Variants in WDR25 observed in about 807,000 individuals in gnomAD.
WDR25 encodes the protein WD repeat-containing protein 25.
Under a neutral mutation model 47.7 loss-of-function variants are expected in WDR25, and 35 were observed. The observed-to-expected ratio is 0.73, with a 90% CI of 0.56 to 0.97. The LOEUF (loss-of-function observed/expected upper bound fraction) is 0.97. Ranked by LOEUF, WDR25 falls within the 50% of genes least tolerant of loss-of-function variation. The probability of loss-of-function intolerance (pLI) is 0.00; values close to 1 mark genes in which losing one functional copy is unlikely to be tolerated. For missense variants in WDR25, 634 were observed against 704.7 expected (o/e 0.90, Z 1.14); for synonymous variants, 248 against 278.9 (o/e 0.89, Z 1.10).
rs1349684332 is a variant in WDR25, at chr14:100,525,276, C to T, written c.1102-594C>T. 6.6e-6 allele frequency among the ~76,000 whole-genome samples: 1 copy of T among 152,204 alleles called. No individual in the cohort carries two copies. The highest frequency in any genetic ancestry group is 6.5e-5 in the Admixed American group (1 of 15,288). Reference sequence around the variant, plus strand: ...GATAAAATCCTCTAAGAAAGCAAAACAACTGCTCAATACTTAATAAAGTCA... The same window carrying T: ...GATAAAATCCTCTAAGAAAGCAAAATAACTGCTCAATACTTAATAAAGTCA... On this transcript the variant is annotated intron_variant, in intron 4 of 6. Transcript: ENST00000402312. This position sits in a 1 kb window ranked among gnomAD's most constrained non-coding sequence, Gnocchi z 4.6.
chr14:100,475,211 T>C (rs1258393780), intron 3 of WDR25, among the ~76,000 whole-genome samples: 1 of 152,048 alleles, frequency 6.6e-6, no homozygotes, highest in African/African-American at 2.4e-5. Context: ...TTTTGGAAAA[T>C]AGTGTGGAGG....
chr14:100,404,980 C>T lies in WDR25; in HGVS notation c.822+23234C>T, dbSNP rs954485960. 1.3e-5 allele frequency among the ~76,000 whole-genome samples: 2 copies of T among 152,152 alleles called. No individual in the cohort carries two copies. The highest frequency in any genetic ancestry group is 4.8e-5 in the African/African-American group (2 of 41,416). ...ATGCTAGTTCTGTCTTTCCTGTGCTCGCAGAATCTGTCTGTCCTCTTGCCC... is the reference window on the plus strand; with the variant it reads ...ATGCTAGTTCTGTCTTTCCTGTGCTTGCAGAATCTGTCTGTCCTCTTGCCC... On this transcript the variant is annotated intron_variant, in intron 2 of 6. Transcript: ENST00000402312. This position sits in a 1 kb window ranked among gnomAD's most constrained non-coding sequence, Gnocchi z 4.6.
chr14:100,453,443 C>T (rs141631720), intron 2 of WDR25, among the ~76,000 whole-genome samples: 12 of 152,248 alleles, frequency 7.9e-5, no homozygotes, highest in Non-Finnish European at 7.4e-5. Flanking sequence ...TGAGTTAATT[C>T]GGTTAACTCA....
chr14:100,412,416 A>C (rs1186266345), intron 2 of WDR25, among the ~76,000 whole-genome samples: 1 of 152,060 alleles, frequency 6.6e-6, no homozygotes, highest in African/African-American at 2.4e-5. Context: ...TGTCTTTAGG[A>C]GTGGTGAAAA....
chr14:100,523,506 C>T lies in WDR25; in HGVS notation c.1102-2364C>T, dbSNP rs143044207. On this transcript the variant is annotated intron_variant, in intron 4 of 6. Transcript: ENST00000402312. This position sits in a 1 kb window ranked among gnomAD's most constrained non-coding sequence, Gnocchi z 4.7. ...GGCTCAGAGGTGTGGTTGGGGCCCTCGTGTTGATGACTCAAAAACTAGACC... is the reference window on the plus strand; with the variant it reads ...GGCTCAGAGGTGTGGTTGGGGCCCTTGTGTTGATGACTCAAAAACTAGACC... Among the ~76,000 whole-genome samples the T allele has an allele frequency of 8.9e-4, 136 of 152,192 alleles. 2 individuals are homozygous for T. The highest frequency in any genetic ancestry group is 3.0e-3 in the African/African-American group (125 of 41,524).
chr14:100,471,899 A>G (rs1899849956), intron 3 of WDR25, among the ~76,000 whole-genome samples: 1 of 152,216 alleles, frequency 6.6e-6, no homozygotes, highest in African/African-American at 2.4e-5. Context: ...TCAGTCTGTA[A>G]TCTTCCTAAC....
rs536355413 is a variant in WDR25, at chr14:100,386,750, G to A, written c.822+5004G>A. On this transcript the variant is annotated intron_variant, in intron 2 of 6. Transcript: ENST00000402312. ...CTACTAAAAATACAAAAAATTAGCC[G>A]GGCGCGGTGGTGGGCGGCTGTAGTC... 5.6e-4 allele frequency among the ~76,000 whole-genome samples: 85 copies of A among 152,076 alleles called. 1 individual carries two copies. The highest frequency in any genetic ancestry group is 1.8e-3 in the African/African-American group (76 of 41,500).
At chr14:100,503,803 A>G (rs1216154837) in intron 4 of WDR25, 1 of 152,166 alleles carries the variant, frequency 6.6e-6, no homozygotes, top group African/African-American at 2.4e-5. Context: ...ATTCGCTTTA[A>G]TTATGTCTGT....
chr14:100,474,650 T>C (rs569763291), intron 3 of WDR25, among the ~76,000 whole-genome samples: 11 of 152,354 alleles, frequency 7.2e-5, no homozygotes, highest in African/African-American at 2.4e-4. Flanking sequence ...TGTTTGAAAG[T>C]TGAGAACTCT....
intron 1 of WDR25, among the ~76,000 whole-genome samples, chr14:100,378,263 G>A (rs1896779082): frequency 6.6e-6 from 1 of 151,964 alleles, no homozygotes; most frequent in South Asian, 2.1e-4. Flanking sequence ...TCTGCCTCCT[G>A]GGTTTAAATG....
rs1029191574 is a variant in WDR25, at chr14:100,468,937, T to G, written c.970+769T>G. ...CTTTCCTTTCCCTCTATGTTCTCTTTCTTTTCTTTCTTTCCTTTTTAAAAA... is the reference window on the plus strand; with the variant it reads ...CTTTCCTTTCCCTCTATGTTCTCTTGCTTTTCTTTCTTTCCTTTTTAAAAA... On this transcript the variant is annotated intron_variant, in intron 3 of 6. Coordinates refer to ENST00000402312, the MANE Select transcript of WDR25 (RefSeq NM_001161476.3). The surrounding 1 kb of genome is among the most constrained non-coding windows in gnomAD (Gnocchi z 4.5). Among the ~76,000 whole-genome samples the G allele has an allele frequency of 2.6e-5, 4 of 152,018 alleles. No homozygotes were observed. The highest frequency in any genetic ancestry group is 5.9e-5 in the Non-Finnish European group (4 of 67,992).
intron 2 of WDR25, among the ~76,000 whole-genome samples, chr14:100,466,770 C>G (rs1899643594): frequency 6.6e-6 from 1 of 152,210 alleles, no homozygotes; most frequent in Admixed American, 6.5e-5. Context: ...AGCCTCTGAG[C>G]CACCTGGGTG....
intron 2 of WDR25, among the ~76,000 whole-genome samples, chr14:100,409,775 G>C (rs1897653180): frequency 6.6e-6 from 1 of 152,192 alleles, no homozygotes; most frequent in Non-Finnish European, 1.5e-5. Context: ...TCCTGGGTGA[G>C]AGTTAAGTAC....
At chr14:100,476,907 G>A (rs1900037980) in intron 3 of WDR25, among the ~76,000 whole-genome samples, 1 of 152,200 alleles carries the variant, frequency 6.6e-6, no homozygotes, top group African/African-American at 2.4e-5. Flanking sequence ...GTTTCATGTG[G>A]CCTGGACGAA....
At chr14:100,382,621 C>T (rs1896931640) in intron 2 of WDR25, among the ~76,000 whole-genome samples, 1 of 152,190 alleles carries the variant, frequency 6.6e-6, no homozygotes, top group Non-Finnish European at 1.5e-5. Context: ...TCGTTGTGCC[C>T]ACCTGGGACC....
intron 3 of WDR25, chr14:100,481,108 A>AAAAAAAAAAAAAAAAAAAAAAAAAAG: frequency 1.5e-5 from 1 of 66,812 alleles, no homozygotes; most frequent in East Asian, 5.6e-4. Flanking sequence ...AAGTGCAAAA[A>AAAAAAAAAAAAAAAAAAAAAAAAAAG]AAAAAAAAAA....
Position 100,525,924 on chromosome 14 carries a change from C to T in WDR25, c.1156C>T (p.Arg386Trp), listed in dbSNP as rs200027763. ...GCAGACCTTGGACATCCTGTTCCTC[C>T]GGGAAGGCTCCGAGTTCCTGAGCAG... Reference protein sequence around the residue: ...IQQTLDILFLREGSEFLSSTD... With the variant: ...IQQTLDILFLWEGSEFLSSTD... The change falls in exon 5 of 7, where the codon CGG becomes TGG. Residue 386 changes from arginine (R) to tryptophan (W), a missense_variant. Physicochemically the swap from Arg to Trp is moderately radical, Grantham distance 101 (BLOSUM62 -3). Coordinates refer to ENST00000402312, the MANE Select transcript of WDR25 (RefSeq NM_001161476.3). The surrounding 1 kb of genome is among the most constrained non-coding windows in gnomAD (Gnocchi z 4.6). The T allele has an allele frequency of 8.0e-5, 129 of 1,613,876 alleles. No homozygotes were observed. The highest frequency in any genetic ancestry group is 5.8e-5 in the Non-Finnish European group (69 of 1,179,946).
In WDR25 at chr14:100,452,797, G is replaced by A. The variant is rs147005675; in HGVS notation, c.823-15224G>A. Among the ~76,000 whole-genome samples, 584 of 152,130 alleles carry A rather than the reference G, an allele frequency of 3.8e-3. 19 individuals are homozygous for A. Among genetic ancestry groups the A allele is most frequent in the Admixed American group, 0.032 (494 of 15,286 alleles). ...GTGGAAGCTGAGATACCAGTTTTTT[G>A]TTTTTTTCTAAAATGTTTTTACTGT... On this transcript the variant is annotated intron_variant, in intron 2 of 6. Coordinates refer to ENST00000402312, the MANE Select transcript of WDR25 (RefSeq NM_001161476.3).
At chr14:100,418,863 A>G (rs1330741690) in intron 2 of WDR25, among the ~76,000 whole-genome samples, 1 of 151,254 alleles carries the variant, frequency 6.6e-6, no homozygotes, top group Non-Finnish European at 1.5e-5. Context: ...CTACACCCAC[A>G]ATTCCTGTGA....
Sources: gnomAD v4.1 joint callset for allele counts (sites outside exome capture counted in the v4.1 genomes callset) on GRCh38, gnomAD v4.1.1 for gene constraint, Gnocchi (gnomAD v3.1) non-coding constraint, MANE v1.5 for transcripts, NCBI Gene and HGNC (gene_info 2026-07-23, HGNC 2026-07-21) for gene names.